MYCN: variants seen among roughly 807,000 people sequenced by gnomAD.
The protein encoded by MYCN is N-myc proto-oncogene protein.
A neutral mutation model predicts 28.1 loss-of-function variants in MYCN; 3 were observed. That is an observed-to-expected ratio of 0.11 (90% CI 0.05 to 0.28). MYCN has a LOEUF of 0.28. MYCN is among the 10% of genes least tolerant of loss of function. The pLI, the probability that MYCN is intolerant of heterozygous loss-of-function variation, is 1.00. For missense variants in MYCN, 572 were observed against 651.4 expected (o/e 0.88, Z 1.33); for synonymous variants, 326 against 288.3 (o/e 1.13, Z -1.32).
At position 15,946,086 on chromosome 2, in the gene MYCN, C is replaced by G. The variant is rs144531796; in HGVS notation, c.1384C>G (p.Arg462Gly). The change falls in exon 3 of 3, where the codon CGG (arginine) becomes GGG (glycine). Residue 462 changes from arginine to glycine, a missense_variant. Arg to Gly is a moderately radical substitution (Grantham distance 125). Transcript: ENST00000281043. Reference sequence around the variant, plus strand: ...GTTGCTAAAGAAAATTGAACACGCTCGGACTTGCTAGACGCTTCTCAAAAC... The same window carrying G: ...GTTGCTAAAGAAAATTGAACACGCTGGGACTTGCTAGACGCTTCTCAAAAC... ...QQLLKKIEHA[R>G]TC is the part of the protein sequence containing the mutation. 3.8e-5 allele frequency: 61 copies of G among 1,614,138 alleles called. No individual in the cohort carries two copies. The East Asian group carries it at 1.3e-3, about 35-fold the overall frequency.
chr2:15,946,330 G>T lies in MYCN; in HGVS notation c.*233G>T. On this transcript the variant is annotated 3_prime_UTR_variant, in exon 3 of 3. Coordinates refer to ENST00000281043, the MANE Select transcript of MYCN (RefSeq NM_005378.6). ...CCTCCTCCACCTCACCTCCATGACA[G>T]CGCTAAACGTTGGTGACGGTTGGGA... 1.7e-6 allele frequency: 1 copy of T among 591,880 alleles called. No individual in the cohort carries two copies. Among genetic ancestry groups the T allele is most frequent in the Non-Finnish European group, 3.0e-6 (1 of 335,786 alleles). The allele number at this position is 591,880 out of a possible 1,614,324, so 36.7% of individuals were successfully genotyped here.
Position 15,942,971 on chromosome 2 carries a change from G to C in MYCN, c.790+117G>C. 7.7e-7 allele frequency: 1 copy of C among 1,298,798 alleles called. No homozygotes were observed. Among genetic ancestry groups the C allele is most frequent in the Non-Finnish European group, 1.0e-6 (1 of 971,852 alleles). 80.5% of individuals were successfully genotyped at this position (1,298,798 alleles called of 1,614,324 possible). On this transcript the variant is annotated intron_variant, in intron 2 of 2. Transcript: ENST00000281043. The surrounding 1 kb of genome is among the most constrained non-coding windows in gnomAD (Gnocchi z 7.0). Reference sequence around the variant, plus strand: ...GAGCATTTTGGAGGCAGTGCTAGGGGCAGAGAGGTCCTGTTTCCCCCAAGT... The same window carrying C: ...GAGCATTTTGGAGGCAGTGCTAGGGCCAGAGAGGTCCTGTTTCCCCCAAGT...
At position 15,942,939 on chromosome 2, in the gene MYCN, G is replaced by A; in HGVS notation, c.790+85G>A. On this transcript the variant is annotated intron_variant, in intron 2 of 2. Coordinates refer to ENST00000281043, the MANE Select transcript of MYCN (RefSeq NM_005378.6). The surrounding 1 kb of genome is among the most constrained non-coding windows in gnomAD (Gnocchi z 7.0). ...CCTTTGTTAGTGCTCGTATGTCTTG[G>A]CCTGGGGAGCATTTTGGAGGCAGTG... The A allele has an allele frequency of 1.4e-6, 2 of 1,472,970 alleles. No homozygotes were observed. Among genetic ancestry groups the A allele is most frequent in the Non-Finnish European group, 1.8e-6 (2 of 1,103,206 alleles). The allele number at this position is 1,472,970 out of a possible 1,614,324, so 91.2% of individuals were successfully genotyped here. A position where few individuals can be genotyped will look rare whatever the true frequency, so the allele number is the denominator to read the frequency against.
intron 1 of MYCN, 199 bp downstream of exon 1, chr2:15,940,942 G>T (rs1662631803): frequency 1.0e-5 from 4 of 395,916 alleles, no homozygotes; most frequent in Non-Finnish European, 1.3e-5. Context: ...CTGGCTAGAG[G>T]AGACCCGCCC....
rs1662619461 is a variant in MYCN, at chr2:15,940,753, A to C, written c.-118+10A>C. 3.3e-6 allele frequency: 1 copy of C among 304,970 alleles called. No homozygotes were observed. The highest frequency in any genetic ancestry group is 5.1e-5 in the Admixed American group (1 of 19,700). 18.9% of individuals were successfully genotyped at this position (304,970 alleles called of 1,614,324 possible). A position where few individuals can be genotyped will look rare whatever the true frequency, so the allele number is the denominator to read the frequency against. On this transcript the variant is annotated intron_variant, in intron 1 of 2. Coordinates refer to ENST00000281043, the MANE Select transcript of MYCN (RefSeq NM_005378.6). ...CTGCAGTCGGCGGGAGGTAAGGAGCAGGGCTTGCAAACCGCCCGGCGCCCA... is the reference window on the plus strand; with the variant it reads ...CTGCAGTCGGCGGGAGGTAAGGAGCCGGGCTTGCAAACCGCCCGGCGCCCA...
Position 15,942,912 on chromosome 2 carries a change from C to T in MYCN, c.790+58C>T. The T allele has an allele frequency of 6.5e-7, 1 of 1,529,684 alleles. No homozygotes were observed. The highest frequency in any genetic ancestry group is 8.8e-7 in the Non-Finnish European group (1 of 1,139,758). The allele number at this position is 1,529,684 out of a possible 1,614,324, so 94.8% of individuals were successfully genotyped here. A position where few individuals can be genotyped will look rare whatever the true frequency, so the allele number is the denominator to read the frequency against. On this transcript the variant is annotated intron_variant, in intron 2 of 2. Transcript: ENST00000281043. The surrounding 1 kb of genome is among the most constrained non-coding windows in gnomAD (Gnocchi z 7.0). Reference sequence around the variant, plus strand: ...TGGGGCACTGGACCCCGGGTCGCGTCCCCTTTGTTAGTGCTCGTATGTCTT... The same window carrying T: ...TGGGGCACTGGACCCCGGGTCGCGTTCCCTTTGTTAGTGCTCGTATGTCTT...
At position 15,946,295 on chromosome 2, in the gene MYCN, G is replaced by A; in HGVS notation, c.*198G>A. 1 of 722,444 alleles carries A rather than the reference G, an allele frequency of 1.4e-6. No homozygotes were observed. Among genetic ancestry groups the A allele is most frequent in the Non-Finnish European group, 2.3e-6 (1 of 436,672 alleles). 44.8% of individuals were successfully genotyped at this position (722,444 alleles called of 1,614,324 possible). A position where few individuals can be genotyped will look rare whatever the true frequency, so the allele number is the denominator to read the frequency against. Reference sequence around the variant, plus strand: ...GAGCCTGCATCCCAGGATGCTGGGTGGCCCTGCAGCCTCCTCCACCTCACC... The same window carrying A: ...GAGCCTGCATCCCAGGATGCTGGGTAGCCCTGCAGCCTCCTCCACCTCACC... On this transcript the variant is annotated 3_prime_UTR_variant, in exon 3 of 3. Coordinates refer to ENST00000281043, the MANE Select transcript of MYCN (RefSeq NM_005378.6).
Position 15,942,762 on chromosome 2 carries a change from G to A in MYCN, c.698G>A (p.Gly233Glu), listed in dbSNP as rs1368756316. 1 of 1,431,530 alleles carries A rather than the reference G, an allele frequency of 7.0e-7. No homozygotes were observed. Among genetic ancestry groups the A allele is most frequent in the Non-Finnish European group, 9.2e-7 (1 of 1,091,510 alleles). 88.7% of individuals were successfully genotyped at this position (1,431,530 alleles called of 1,614,324 possible). A position where few individuals can be genotyped will look rare whatever the true frequency, so the allele number is the denominator to read the frequency against. ...AGIAAPAGAP[G>E]VAPPRPGGRQ... ...ATTGCCGCCCCAGCCGGGGCCCCGG[G>A]GGTCGCCCCTCCGCGCCCAGGCGGC... Residue 233 changes from glycine to glutamate, a missense_variant, in exon 2 of 3, where the codon GGG (glycine) becomes GAG (glutamate). Transcript: ENST00000281043. The surrounding 1 kb of genome is among the most constrained non-coding windows in gnomAD (Gnocchi z 7.0).
intron 2 of MYCN, among the ~76,000 whole-genome samples, 161 bp downstream of exon 2, chr2:15,943,015 G>C (rs1662752844): frequency 6.6e-6 from 1 of 152,218 alleles, no homozygotes; most frequent in Non-Finnish European, 1.5e-5. Flanking sequence ...GGGGTAAAGA[G>C]AAGGGGCTGA....
chr2:15,940,770 C>T (rs575551772), intron 1 of MYCN, 27 bp downstream of exon 1: 16 of 398,596 alleles, frequency 4.0e-5, no homozygotes, highest in African/African-American at 2.9e-4. Flanking sequence ...GCAAACCGCC[C>T]GGCGCCCAGG....
Position 15,945,983 on chromosome 2 carries a change from T to G in MYCN, c.1281T>G (p.Thr427=), listed in dbSNP as rs1662862551. ...AGGTGGTCATTTTGAAAAAGGCCACTGAGTATGTCCACTCCCTCCAGGCCG... is the reference window on the plus strand; with the variant it reads ...AGGTGGTCATTTTGAAAAAGGCCACGGAGTATGTCCACTCCCTCCAGGCCG... ...AAKVVILKKA[T]EYVHSLQAEE... is the part of the protein sequence containing the mutation. The change falls in exon 3 of 3, where the codon ACT becomes ACG. Residue 427 remains threonine (T), a synonymous_variant. Coordinates refer to ENST00000281043, the MANE Select transcript of MYCN (RefSeq NM_005378.6). This position sits in a 1 kb window ranked among gnomAD's most constrained non-coding sequence, Gnocchi z 4.8. 1 of 1,614,030 alleles carries G rather than the reference T, an allele frequency of 6.2e-7. No homozygotes were observed. The highest frequency in any genetic ancestry group is 1.1e-5 in the South Asian group (1 of 91,094).
At chr2:15,943,140 C>A (rs867999695) in intron 2 of MYCN, among the ~76,000 whole-genome samples, 2 of 152,238 alleles carry the variant, frequency 1.3e-5, no homozygotes, top group African/African-American at 4.8e-5. Flanking sequence ...CGGTCCCCCA[C>A]CTCTCTTTTG....
Position 15,945,431 on chromosome 2 carries a change from A to C in MYCN, c.791-62A>C. On this transcript the variant is annotated intron_variant, in intron 2 of 2. Coordinates refer to ENST00000281043, the MANE Select transcript of MYCN (RefSeq NM_005378.6). This position sits in a 1 kb window ranked among gnomAD's most constrained non-coding sequence, Gnocchi z 4.8. ...CAGATAAGCATACATATTAACATGG[A>C]TATATATGTGAATTTCATTCAAATG... The C allele has an allele frequency of 1.3e-6, 2 of 1,537,900 alleles. No homozygotes were observed. Among genetic ancestry groups the C allele is most frequent in the South Asian group, 2.4e-5 (2 of 83,846 alleles).
At chr2:15,944,048 G>A (rs1333194999) in intron 2 of MYCN, among the ~76,000 whole-genome samples, 1 of 152,164 alleles carries the variant, frequency 6.6e-6, no homozygotes, top group Non-Finnish European at 1.5e-5. Context: ...TAAGCCTCCA[G>A]TTTGAAACGG....
chr2:15,941,873 A>G lies in MYCN; in HGVS notation c.-117-75A>G. ...GGAGGGAAGATTGGGGAACCTGGTT[A>G]GAGGGGGCGCCCATTGCCTATCCCC... is the stretch of plus-strand genomic sequence containing the variant. On this transcript the variant is annotated intron_variant, in intron 1 of 2. Transcript: ENST00000281043. This position sits in a 1 kb window ranked among gnomAD's most constrained non-coding sequence, Gnocchi z 4.8. 1.6e-6 allele frequency: 1 copy of G among 643,664 alleles called. No individual in the cohort carries two copies. Among genetic ancestry groups the G allele is most frequent in the Non-Finnish European group, 2.7e-6 (1 of 369,814 alleles). The allele number at this position is 643,664 out of a possible 1,614,324, so 39.9% of individuals were successfully genotyped here.
rs554529862 is a variant in MYCN at position 15,941,541 on chromosome 2, T to C, written c.-117-407T>C. On this transcript the variant is annotated intron_variant, in intron 1 of 2. Transcript: ENST00000281043. The surrounding 1 kb of genome is among the most constrained non-coding windows in gnomAD (Gnocchi z 4.8). ...AAGGTACTCCAAATACCATTCCCGGTAGCTGGGTCGGAGAGCCTGGGGCTT... is the reference window on the plus strand; with the variant it reads ...AAGGTACTCCAAATACCATTCCCGGCAGCTGGGTCGGAGAGCCTGGGGCTT... 92 of 196,586 alleles carry C rather than the reference T, an allele frequency of 4.7e-4. No homozygotes were observed. The highest frequency in any genetic ancestry group is 9.0e-4 in the Non-Finnish European group (85 of 94,232). The allele number at this position is 196,586 out of a possible 1,614,324, so 12.2% of individuals were successfully genotyped here.
chr2:15,942,938 G>C lies in MYCN; in HGVS notation c.790+84G>C, dbSNP rs1216888899. 2.7e-6 allele frequency: 4 copies of C among 1,474,842 alleles called. No homozygotes were observed. The highest frequency in any genetic ancestry group is 1.2e-5 in the South Asian group (1 of 80,192). 91.4% of individuals were successfully genotyped at this position (1,474,842 alleles called of 1,614,324 possible). On this transcript the variant is annotated intron_variant, in intron 2 of 2. Coordinates refer to ENST00000281043, the MANE Select transcript of MYCN (RefSeq NM_005378.6). This position sits in a 1 kb window ranked among gnomAD's most constrained non-coding sequence, Gnocchi z 7.0. ...CCCTTTGTTAGTGCTCGTATGTCTT[G>C]GCCTGGGGAGCATTTTGGAGGCAGT... is the stretch of plus-strand genomic sequence containing the variant.
At position 15,946,158 on chromosome 2, in the gene MYCN, A is replaced by G; in HGVS notation, c.*61A>G. On this transcript the variant is annotated 3_prime_UTR_variant, in exon 3 of 3. Coordinates refer to ENST00000281043, the MANE Select transcript of MYCN (RefSeq NM_005378.6). The stretch of plus-strand genomic sequence containing the variant: ...CACATTTTGATTTTTTTTTTAAACA[A>G]ACATTGTGTTGACATTAAGAATGTT... 1 of 1,611,322 alleles carries G rather than the reference A, an allele frequency of 6.2e-7. No individual in the cohort carries two copies. The highest frequency in any genetic ancestry group is 8.5e-7 in the Non-Finnish European group (1 of 1,178,430).
chr2:15,942,320 G>A lies in MYCN; in HGVS notation c.256G>A (p.Glu86Lys). The change falls in exon 2 of 3, where the codon GAG becomes AAG. Residue 86 changes from glutamate to lysine, a missense_variant. Around this residue, in one of 3 missense-constraint regions of MYCN, gnomAD observed 499 missense variants for 524.3 expected, o/e 0.95. Transcript: ENST00000281043. This position sits in a 1 kb window ranked among gnomAD's most constrained non-coding sequence, Gnocchi z 7.0. ...GGTCACGGAGATGCTGCTTGAGAACGAGCTGTGGGGCAGCCCGGCCGAGGA... is the reference window on the plus strand; with the variant it reads ...GGTCACGGAGATGCTGCTTGAGAACAAGCTGTGGGGCAGCCCGGCCGAGGA... ...SWVTEMLLEN[E>K]LWGSPAEEDA... is the part of the protein sequence containing the mutation. 1.2e-6 allele frequency: 2 copies of A among 1,608,694 alleles called. No homozygotes were observed. The highest frequency in any genetic ancestry group is 8.5e-7 in the Non-Finnish European group (1 of 1,178,268).
Sources: gnomAD v4.1 joint callset for allele counts (sites outside exome capture counted in the v4.1 genomes callset) on GRCh38, gnomAD v4.1.1 for gene constraint, gnomAD v4.1.1 regional missense constraint, Gnocchi (gnomAD v3.1) non-coding constraint, MANE v1.5 for transcripts, NCBI Gene and HGNC (gene_info 2026-07-23, HGNC 2026-07-21) for gene names.